RICTOR: variants seen among roughly 807,000 people sequenced by gnomAD.
The protein encoded by RICTOR is rapamycin-insensitive companion of mTOR.
Under a neutral mutation model 214.9 loss-of-function variants are expected in RICTOR, and 49 were observed. The ratio of observed to expected loss-of-function variants is 0.23; its 90% CI spans 0.18 to 0.29. The LOEUF is 0.29. RICTOR is among the 10% of genes least tolerant of loss of function. The probability of loss-of-function intolerance (pLI) is 1.00; values close to 1 mark genes in which losing one functional copy is unlikely to be tolerated. For missense variants in RICTOR, 1,625 were observed against 2,047.0 expected (o/e 0.79, Z 3.98); for synonymous variants, 717 against 711.3 (o/e 1.01, Z -0.13).
At chr5:39,037,677 A>C (rs1200945925) in intron 2 of RICTOR, among the ~76,000 whole-genome samples, 1 of 152,232 alleles carries the variant, frequency 6.6e-6, no homozygotes, top group Non-Finnish European at 1.5e-5. Context: ...CGATCAGAGA[A>C]TACTATAAAC....
intron 2 of RICTOR, among the ~76,000 whole-genome samples, chr5:39,022,115 T>C (rs1002732428): frequency 6.6e-6 from 1 of 152,214 alleles, no homozygotes; most frequent in African/African-American, 2.4e-5. Flanking sequence ...TTGTGTTAGA[T>C]AGTCTTGCCC....
intron 25 of RICTOR, among the ~76,000 whole-genome samples, chr5:38,956,937 T>G (rs1014501777): frequency 6.6e-6 from 1 of 152,036 alleles, no homozygotes; most frequent in Non-Finnish European, 1.5e-5. Context: ...ATAGACACTA[T>G]AAAAGAATGT....
At chr5:39,001,124 A>C (rs1309493774) in intron 5 of RICTOR, among the ~76,000 whole-genome samples, 5 of 152,102 alleles carry the variant, frequency 3.3e-5, no homozygotes, top group Admixed American at 1.3e-4. Flanking sequence ...ATGAAAATGC[A>C]GAACCCAGAT....
chr5:39,028,175 C>CTTTTTTTT (rs70982535), intron 2 of RICTOR, among the ~76,000 whole-genome samples: 9 of 78,436 alleles, frequency 1.1e-4, no homozygotes, highest in Non-Finnish European at 1.6e-4. Flanking sequence ...AACTGGAATT[C>CTTTTTTTT]TTTTTTTTTT....
At position 39,044,137 on chromosome 5, in the gene RICTOR, C is replaced by A. The variant is rs146398005; in HGVS notation, c.98-23001G>T. 2.2e-3 allele frequency among the ~76,000 whole-genome samples: 341 copies of A among 152,140 alleles called. 1 individual carries two copies. The highest frequency in any genetic ancestry group is 7.8e-3 in the African/African-American group (322 of 41,520). The stretch of plus-strand genomic sequence containing the variant: ...GTAATTATTATGTGTCAATTAAAAC[C>A]AAAATATTTAAAAATGTTTAAAATA... On this transcript the variant is annotated intron_variant, in intron 2 of 37. Transcript: ENST00000357387.
intron 1 of RICTOR, 77 bp from the exon 2 acceptor site, chr5:39,074,235 C>T: frequency 6.3e-7 from 1 of 1,579,016 alleles, no homozygotes; most frequent in African/African-American, 1.4e-5. Flanking sequence ...CCGGCCAGCG[C>T]CCCGGCTCGC....
intron 27 of RICTOR, 75 bp from the exon 28 acceptor site, chr5:38,953,628 C>A: frequency 2.1e-6 from 1 of 468,280 alleles, no homozygotes; most frequent in South Asian, 6.6e-5. Flanking sequence ...CATCATAAAA[C>A]CAGTATAACG....
chr5:38,950,002 T>C lies in RICTOR; in HGVS notation c.3846A>G (p.Ser1282=), dbSNP rs751293175. 10 of 1,613,474 alleles carry C rather than the reference T, an allele frequency of 6.2e-6. No homozygotes were observed. Among genetic ancestry groups the C allele is most frequent in the Non-Finnish European group, 8.5e-6 (10 of 1,179,598 alleles). The change falls in exon 31 of 38, where the codon TCA becomes TCG. Residue 1282 remains serine, a synonymous_variant. Transcript: ENST00000357387. The part of the protein sequence containing the change: ...PQSNHLSLSK[S]NSVSLVPPGS... ...CTGGAGGCACCAGGGACACCGAATT[T>C]GATTTGGAGAGAGACAGATGGTTAG...
chr5:39,001,280 T>C lies in RICTOR; in HGVS notation c.392+1255A>G, dbSNP rs553233049. ...GAGGATAGAGAACCCAACAATAGAT[T>C]GCTACTGAACTACCTGATTTACAAC... On this transcript the variant is annotated intron_variant, in intron 5 of 37. Coordinates refer to ENST00000357387, the MANE Select transcript of RICTOR (RefSeq NM_152756.5). 3.1e-3 allele frequency among the ~76,000 whole-genome samples: 477 copies of C among 152,154 alleles called. 1 individual carries two copies. The highest frequency in any genetic ancestry group is 0.01 in the Middle Eastern group (3 of 294).
At chr5:38,953,608 A>G (rs1748983944) in intron 27 of RICTOR, 55 bp from the exon 28 acceptor site, 6 of 537,910 alleles carry the variant, frequency 1.1e-5, no homozygotes, top group African/African-American at 2.0e-5. Flanking sequence ...TATTTAATAT[A>G]TTATTATTGC....
rs140063671 is a variant in RICTOR at position 38,977,833 on chromosome 5, C to T, written c.821+750G>A. Among the ~76,000 whole-genome samples, 721 of 151,986 alleles carry T rather than the reference C, an allele frequency of 4.7e-3. 10 individuals are homozygous for T. The highest frequency in any genetic ancestry group is 0.017 in the African/African-American group (691 of 41,444). On this transcript the variant is annotated intron_variant, in intron 9 of 37. Transcript: ENST00000357387. ...AACTCCTGACCTCAGGCGGTCCACC[C>T]GCCTCGGCCTCCCAAAGTGCTAGGA...
At chr5:38,985,699 A>G (rs914502150) in intron 7 of RICTOR, among the ~76,000 whole-genome samples, 9 of 139,396 alleles carry the variant, frequency 6.5e-5, no homozygotes, top group African/African-American at 2.4e-4. Context: ...CTACAATTCT[A>G]TTTTTTTTTT....
At chr5:38,983,700 AG>A (rs1751913972) in intron 7 of RICTOR, among the ~76,000 whole-genome samples, 1 of 152,236 alleles carries the variant, frequency 6.6e-6, no homozygotes, top group African/African-American at 2.4e-5. Flanking sequence ...ACGGTGGCTC[AG>A]GCCTGTAATC....
At position 38,972,623 on chromosome 5, in the gene RICTOR, G is replaced by A. The variant is rs571697767; in HGVS notation, c.890-664C>T. 9.2e-5 allele frequency among the ~76,000 whole-genome samples: 14 copies of A among 152,190 alleles called. No homozygotes were observed. The South Asian group carries it at 2.9e-3, about 32-fold the overall frequency. The stretch of plus-strand genomic sequence containing the variant: ...CACAACACCAAATACTGACAAGGAT[G>A]CAGAACAACTGGGAGTCACATATGC... On this transcript the variant is annotated intron_variant, in intron 10 of 37. Coordinates refer to ENST00000357387, the MANE Select transcript of RICTOR (RefSeq NM_152756.5).
intron 3 of RICTOR, among the ~76,000 whole-genome samples, chr5:39,019,601 T>C (rs550010656): frequency 1.3e-5 from 2 of 152,278 alleles, no homozygotes; most frequent in East Asian, 3.9e-4. Flanking sequence ...TATTTGCTAT[T>C]GCTCAGGAAA....
chr5:38,942,271 T>TA lies in RICTOR; in HGVS notation c.*32dup, dbSNP rs1561431259. ...GGAAATCCACAAATATGAATATATA[T>TA]AGTATGTATCTATATCCATCATAAA... On this transcript the variant is annotated 3_prime_UTR_variant, in exon 38 of 38. Coordinates refer to ENST00000357387, the MANE Select transcript of RICTOR (RefSeq NM_152756.5). The TA allele has an allele frequency of 7.9e-7, 1 of 1,260,956 alleles. No individual in the cohort carries two copies. Among genetic ancestry groups the TA allele is most frequent in the Non-Finnish European group, 1.1e-6 (1 of 879,016 alleles). 78.1% of individuals were successfully genotyped at this position (1,260,956 alleles called of 1,614,324 possible). A position where few individuals can be genotyped will look rare whatever the true frequency, so the allele number is the denominator to read the frequency against.
At chr5:39,010,931 A>T (rs1035774983) in intron 3 of RICTOR, among the ~76,000 whole-genome samples, 1 of 152,228 alleles carries the variant, frequency 6.6e-6, no homozygotes, top group Non-Finnish European at 1.5e-5. Context: ...GATGCAACAG[A>T]AAAGAAAAAC....
chr5:38,958,576 T>C, intron 23 of RICTOR, 57 bp from the exon 24 acceptor site: 1 of 1,532,352 alleles, frequency 6.5e-7, no homozygotes, highest in Admixed American at 1.7e-5. Flanking sequence ...AAATTTTTAG[T>C]TCCAAAATGC....
At chr5:39,026,978 A>T (rs1755878255) in intron 2 of RICTOR, among the ~76,000 whole-genome samples, 1 of 152,162 alleles carries the variant, frequency 6.6e-6, no homozygotes, top group Non-Finnish European at 1.5e-5. Context: ...ATTGCACTCC[A>T]GCCTGGGCAA....
Sources: allele counts gnomAD v4.1 joint callset (sites outside exome capture counted in the v4.1 genomes callset), GRCh38; gene constraint gnomAD v4.1.1; transcripts MANE v1.5; gene names NCBI Gene and HGNC (gene_info 2026-07-23, HGNC 2026-07-21).